The following THOC3 variants were observed in gnomAD, a reference collection of about 807,000 sequenced individuals.
The protein encoded by THOC3 is TEX1 homolog.
A neutral mutation model predicts 23.3 loss-of-function variants in THOC3; 4 were observed. That is an observed-to-expected ratio of 0.17 (90% CI 0.08 to 0.39). The LOEUF (loss-of-function observed/expected upper bound fraction) is 0.39. Ranked by LOEUF, THOC3 falls within the 10% of genes least tolerant of loss-of-function variation. THOC3 has a pLI of 1.00. For missense variants in THOC3, 64 were observed against 359.4 expected (o/e 0.18, Z 6.65); for synonymous variants, 27 against 141.5 (o/e 0.19, Z 5.74).
At chr5:175,962,528 T>C (rs1280935012) in intron 3 of THOC3, among the ~76,000 whole-genome samples, 1 of 146,360 alleles carries the variant, frequency 6.8e-6, no homozygotes, top group Non-Finnish European at 1.5e-5. Flanking sequence ...CTCCTTTTTT[T>C]TTTTTTTTTT....
intron 1 of THOC3, chr5:175,967,591 C>T: frequency 6.6e-6 from 2 of 303,584 alleles, no homozygotes; most frequent in Non-Finnish European, 1.3e-5. Context: ...CCACCACAGC[C>T]CCTAGCCACT....
At chr5:175,966,690 C>T (rs1207498980) in intron 2 of THOC3, among the ~76,000 whole-genome samples, 1 of 148,100 alleles carries the variant, frequency 6.8e-6, no homozygotes. Context: ...CAAGTTTCAA[C>T]CATTCTAACT....
At chr5:175,964,103 C>T (rs1234506985) in intron 3 of THOC3, among the ~76,000 whole-genome samples, 2 of 152,150 alleles carry the variant, frequency 1.3e-5, no homozygotes, top group East Asian at 3.8e-4. Context: ...ATTTACAGAA[C>T]AAATATTTAC....
intron 3 of THOC3, among the ~76,000 whole-genome samples, chr5:175,963,297 A>G (rs1405358248): frequency 6.6e-6 from 1 of 152,288 alleles, no homozygotes; most frequent in Non-Finnish European, 1.5e-5. Flanking sequence ...ACAGGTTAAC[A>G]GTCTGGTTTT....
At chr5:175,964,345 T>A (rs1335459753) in intron 3 of THOC3, among the ~76,000 whole-genome samples, 1 of 152,222 alleles carries the variant, frequency 6.6e-6, no homozygotes, top group Non-Finnish European at 1.5e-5. Flanking sequence ...GAAGGCAAAG[T>A]GATATTTCAG....
Position 175,964,941 on chromosome 5 carries a change from AC to A in THOC3, c.629+9del. ...AAGACATGACAGTCCCCTAAGCTAG[AC>A]CCCCTCACCTGAGGATGTTGATACA... On this transcript the variant is annotated intron_variant, in intron 3 of 5. Coordinates refer to ENST00000265097, the MANE Select transcript of THOC3 (RefSeq NM_032361.4). 9.8e-7 allele frequency: 1 copy of A among 1,018,514 alleles called. No homozygotes were observed. Among genetic ancestry groups the A allele is most frequent in the Middle Eastern group, 3.0e-4 (1 of 3,346 alleles). The allele number at this position is 1,018,514 out of a possible 1,614,324, so 63.1% of individuals were successfully genotyped here.
chr5:175,965,553 T>C (rs1288665407), intron 2 of THOC3, among the ~76,000 whole-genome samples: 6 of 152,218 alleles, frequency 3.9e-5, no homozygotes, highest in Non-Finnish European at 8.8e-5. Context: ...GCCTCCCGAG[T>C]AGCTGGGACT....
chr5:175,964,532 G>A (rs1396246255), intron 3 of THOC3, among the ~76,000 whole-genome samples: 3 of 151,878 alleles, frequency 2.0e-5, no homozygotes, highest in Admixed American at 6.6e-5. Context: ...CAGGAGAATC[G>A]CTTAACCTCG....
At chr5:175,965,766 T>G (rs1756755162) in intron 2 of THOC3, among the ~76,000 whole-genome samples, 1 of 152,236 alleles carries the variant, frequency 6.6e-6, no homozygotes, top group Non-Finnish European at 1.5e-5. Context: ...AAAGCCCCCT[T>G]TTCTCTTACA....
At chr5:175,962,417 T>TACACACACAC (rs775994149) in intron 3 of THOC3, among the ~76,000 whole-genome samples, 3,227 of 38,116 alleles carry the variant, frequency 0.085, 251 homozygotes, top group East Asian at 0.16. Context: ...AATATATATA[T>TACACACACAC]ATATACACAC....
Position 175,967,206 on chromosome 5 carries a change from CT to C in THOC3, c.328del (p.Ser110ValfsTer20), listed in dbSNP as rs1161630294. ...CGCCGTAACAAATAGGTCAGGATTA[CT>C]TGGATGCCAACAAAGCTGGTCCACA... Reference protein sequence around the residue: ...DSVDQLCWHPSNPDLFVTASG... With the variant: ...DSVDQLCWHPXNPDLFVTASG... On this transcript the variant is annotated frameshift_variant, in exon 2 of 6. Transcript: ENST00000265097. LOFTEE classifies it high-confidence loss of function. The C allele has an allele frequency of 1.3e-6, 1 of 768,522 alleles. No homozygotes were observed. The allele number at this position is 768,522 out of a possible 1,614,324, so 47.6% of individuals were successfully genotyped here.
Position 175,967,567 on chromosome 5 carries a change from C to CGT in THOC3, c.268-301_268-300insAC, listed in dbSNP as rs1554090267. 8.5e-5 allele frequency: 26 copies of CGT among 306,248 alleles called. 1 individual carries two copies. The highest frequency in any genetic ancestry group is 3.1e-4 in the African/African-American group (11 of 35,996). The allele number at this position is 306,248 out of a possible 1,614,324, so 19.0% of individuals were successfully genotyped here. On this transcript the variant is annotated intron_variant, in intron 1 of 5. Coordinates refer to ENST00000265097, the MANE Select transcript of THOC3 (RefSeq NM_032361.4). ...CGTACCACCACCAACGTACCACCAC[C>CGT]ACCACCACCACCACCACCACAGCCC...
chr5:175,963,251 T>C (rs1455254493), intron 3 of THOC3, among the ~76,000 whole-genome samples: 8 of 152,312 alleles, frequency 5.3e-5, no homozygotes, highest in African/African-American at 1.9e-4. Flanking sequence ...ATAAACAGCA[T>C]ATGGAATCAG....
chr5:175,963,355 C>T (rs1351721683), intron 3 of THOC3, among the ~76,000 whole-genome samples: 94 of 152,224 alleles, frequency 6.2e-4, no homozygotes, highest in African/African-American at 1.3e-3. Flanking sequence ...TTAAGAGATA[C>T]AAAAGACATA....
intron 3 of THOC3, among the ~76,000 whole-genome samples, chr5:175,962,960 T>C (rs1221854658): frequency 2.0e-5 from 3 of 152,082 alleles, no homozygotes; most frequent in Admixed American, 6.5e-5. Context: ...AGGAACCAAC[T>C]TGAAGAGGTT....
At chr5:175,964,920 C>T (rs1388295364) in intron 3 of THOC3, 31 bp downstream of exon 3, 3 of 818,164 alleles carry the variant, frequency 3.7e-6, no homozygotes, top group Non-Finnish European at 5.7e-6. Flanking sequence ...AGCACAAAGA[C>T]ATGACAGTCC....
At chr5:175,964,187 C>T (rs1247453354) in intron 3 of THOC3, among the ~76,000 whole-genome samples, 5 of 152,234 alleles carry the variant, frequency 3.3e-5, no homozygotes, top group Non-Finnish European at 7.3e-5. Flanking sequence ...AAACACCATC[C>T]CTACCATCAA....
At chr5:175,963,978 C>G (rs1348014548) in intron 3 of THOC3, among the ~76,000 whole-genome samples, 1 of 152,312 alleles carries the variant, frequency 6.6e-6, no homozygotes, top group Non-Finnish European at 1.5e-5. Context: ...AATTTCACAG[C>G]AAACTCCTGG....
chr5:175,963,427 T>C (rs1756704349), intron 3 of THOC3, among the ~76,000 whole-genome samples: 2 of 152,050 alleles, frequency 1.3e-5, no homozygotes, highest in South Asian at 2.1e-4. Context: ...ATGTGGTAGA[T>C]AAACTATGAA....
Sources: allele counts gnomAD v4.1 joint callset (sites outside exome capture counted in the v4.1 genomes callset), GRCh38; gene constraint gnomAD v4.1.1; transcripts MANE v1.5; gene names NCBI Gene and HGNC (gene_info 2026-07-23, HGNC 2026-07-21).